The following WWC1 variants were observed in gnomAD, a reference collection of about 807,000 sequenced individuals.
The protein encoded by WWC1 is WW and C2 domain containing 1, also known as protein KIBRA.
In WWC1, 55 loss-of-function variants were observed where a neutral mutation model predicts 138.4. That is an observed-to-expected ratio of 0.40 (90% CI 0.32 to 0.50). The LOEUF is 0.50. Ranked by LOEUF, WWC1 falls within the 20% of genes least tolerant of loss-of-function variation. WWC1 has a pLI of 0.72. For missense variants in WWC1, 1,226 were observed against 1,420.4 expected (o/e 0.86, Z 2.20); for synonymous variants, 524 against 564.9 (o/e 0.93, Z 1.03).
intron 2 of WWC1, among the ~76,000 whole-genome samples, chr5:168,378,233 T>C (rs1777370273): frequency 6.6e-6 from 1 of 152,000 alleles, no homozygotes; most frequent in Non-Finnish European, 1.5e-5. Flanking sequence ...AGCTAAACAA[T>C]GGGTACTTAT....
At chr5:168,374,017 G>T (rs1383685003) in intron 2 of WWC1, among the ~76,000 whole-genome samples, 1 of 141,902 alleles carries the variant, frequency 7.0e-6, no homozygotes, top group African/African-American at 2.7e-5. Flanking sequence ...CTGCACTCCA[G>T]CCTGGGCAAC....
intron 15 of WWC1, among the ~76,000 whole-genome samples, chr5:168,433,203 C>T (rs1284229185): frequency 6.6e-6 from 1 of 152,248 alleles, no homozygotes; most frequent in East Asian, 1.9e-4. Context: ...TGAAGCAGCG[C>T]TTCAAACTGT....
At chr5:168,391,636 G>A (rs1310214771) in intron 3 of WWC1, among the ~76,000 whole-genome samples, 2 of 136,844 alleles carry the variant, frequency 1.5e-5, no homozygotes, top group African/African-American at 2.8e-5. Context: ...TCCAGCCTGG[G>A]CAACAGAGCA....
At chr5:168,391,951 C>G (rs759289062) in intron 3 of WWC1, among the ~76,000 whole-genome samples, 41 of 151,848 alleles carry the variant, frequency 2.7e-4, no homozygotes, top group Non-Finnish European at 5.3e-4. Context: ...CTTGCAAAAA[C>G]TGTAGATGTT....
chr5:168,296,608 A>G (rs1448616106), intron 1 of WWC1, among the ~76,000 whole-genome samples: 1 of 152,222 alleles, frequency 6.6e-6, no homozygotes, highest in Non-Finnish European at 1.5e-5. Flanking sequence ...TTAGCTAGGT[A>G]GCAAATAATG....
rs150571145 is a variant in WWC1, at chr5:168,393,246, G to A, written c.434-4478G>A. Among the ~76,000 whole-genome samples, 187 of 152,300 alleles carry A rather than the reference G, an allele frequency of 1.2e-3. 1 individual carries two copies. Among genetic ancestry groups the A allele is most frequent in the African/African-American group, 4.1e-3 (172 of 41,564 alleles). ...AACATTTCCCAGAACTGAAGGAGGA[G>A]AATTTTTAGACTGAAAGGGTTCACT... On this transcript the variant is annotated intron_variant, in intron 3 of 22. Coordinates refer to ENST00000265293, the MANE Select transcript of WWC1 (RefSeq NM_015238.3).
intron 1 of WWC1, among the ~76,000 whole-genome samples, chr5:168,361,299 G>A (rs546806343): frequency 7.2e-5 from 11 of 152,122 alleles, no homozygotes; most frequent in Non-Finnish European, 1.5e-4. Flanking sequence ...ATGAAGCTGG[G>A]GTTGAGCAGG....
rs147102829 is a variant in WWC1, at chr5:168,420,844, G to A, written c.1185-1164G>A. ...GTTACACCTCACAGCCACCCTCCCCGCCTTCAGTCTTCAGCCTCCTGCCCA... is the reference window on the plus strand; with the variant it reads ...GTTACACCTCACAGCCACCCTCCCCACCTTCAGTCTTCAGCCTCCTGCCCA... On this transcript the variant is annotated intron_variant, in intron 9 of 22. Coordinates refer to ENST00000265293, the MANE Select transcript of WWC1 (RefSeq NM_015238.3). Among the ~76,000 whole-genome samples the A allele has an allele frequency of 2.8e-3, 428 of 152,080 alleles. 5 individuals carry two copies. The highest frequency in any genetic ancestry group is 4.0e-3 in the Non-Finnish European group (272 of 67,972).
chr5:168,409,357 C>T (rs147904495), intron 7 of WWC1, among the ~76,000 whole-genome samples: 1 of 152,316 alleles, frequency 6.6e-6, no homozygotes, highest in African/African-American at 2.4e-5. Context: ...TCTTGCTGCT[C>T]TTAACAGACT....
At chr5:168,323,602 A>G (rs1392463437) in intron 1 of WWC1, among the ~76,000 whole-genome samples, 2 of 151,840 alleles carry the variant, frequency 1.3e-5, no homozygotes, top group East Asian at 3.9e-4. Flanking sequence ...AAAAGCTTGG[A>G]AAAAAAAAGT....
intron 2 of WWC1, among the ~76,000 whole-genome samples, chr5:168,373,994 C>T (rs1286419687): frequency 1.4e-5 from 2 of 146,348 alleles, no homozygotes; most frequent in East Asian, 2.0e-4. Context: ...TGCAGTGAGC[C>T]GAGATCCCGC....
At chr5:168,442,264 A>G (rs968713983) in intron 16 of WWC1, among the ~76,000 whole-genome samples, 1 of 151,936 alleles carries the variant, frequency 6.6e-6, no homozygotes, top group Non-Finnish European at 1.5e-5. Flanking sequence ...CAGTCATATC[A>G]CCTCTCTGAG....
In WWC1 at chr5:168,365,752, G is replaced by A. The variant is rs536614979; in HGVS notation, c.120-5672G>A. Among the ~76,000 whole-genome samples, 5 of 152,336 alleles carry A rather than the reference G, an allele frequency of 3.3e-5. 1 individual carries two copies. Among genetic ancestry groups the A allele is most frequent in the East Asian group, 1.9e-4 (1 of 5,180 alleles). ...TGTCTCCACAGCGACACATCTGGCCGTTTTTCCAGGAGGGCCTGTTGAGAA... is the reference window on the plus strand; with the variant it reads ...TGTCTCCACAGCGACACATCTGGCCATTTTTCCAGGAGGGCCTGTTGAGAA... On this transcript the variant is annotated intron_variant, in intron 1 of 22. Transcript: ENST00000265293.
chr5:168,464,670 C>A, intron 20 of WWC1, 59 bp from the exon 21 acceptor site: 1 of 1,602,660 alleles, frequency 6.2e-7, no homozygotes, highest in Non-Finnish European at 8.5e-7. Context: ...GAGGAAGAGG[C>A]TGGGTGGGCT....
intron 3 of WWC1, 44 bp downstream of exon 3, chr5:168,385,458 G>A (rs1195867187): frequency 6.3e-7 from 1 of 1,589,272 alleles, no homozygotes; most frequent in Non-Finnish European, 8.6e-7. Context: ...CACCAACAGA[G>A]AATGGCCACA....
At chr5:168,318,329 A>G (rs920887273) in intron 1 of WWC1, among the ~76,000 whole-genome samples, 1 of 152,166 alleles carries the variant, frequency 6.6e-6, no homozygotes, top group Admixed American at 6.6e-5. Context: ...TAATTGTGGC[A>G]AAATATATGT....
At chr5:168,430,636 A>G (rs1781864305) in intron 14 of WWC1, among the ~76,000 whole-genome samples, 1 of 108,540 alleles carries the variant, frequency 9.2e-6, no homozygotes, top group African/African-American at 4.8e-5. Flanking sequence ...TCTGTTTCCA[A>G]GAGTCAACAC....
At chr5:168,315,939 G>A (rs144214400) in intron 1 of WWC1, among the ~76,000 whole-genome samples, 1 of 152,162 alleles carries the variant, frequency 6.6e-6, no homozygotes, top group Non-Finnish European at 1.5e-5. Context: ...TCAGATCCCT[G>A]TCTGTATTTC....
chr5:168,369,429 G>A (rs1436685264), intron 1 of WWC1, among the ~76,000 whole-genome samples: 1 of 152,126 alleles, frequency 6.6e-6, no homozygotes, highest in African/African-American at 2.4e-5. Flanking sequence ...TAGAGTCAGG[G>A]TCTGGCTCTG....
Sources: gnomAD v4.1 joint callset for allele counts (sites outside exome capture counted in the v4.1 genomes callset) on GRCh38, gnomAD v4.1.1 for gene constraint, MANE v1.5 for transcripts, NCBI Gene and HGNC (gene_info 2026-07-23, HGNC 2026-07-21) for gene names.